Variants in TIAM1 observed in about 807,000 individuals in gnomAD.
TIAM1 encodes the protein rho guanine nucleotide exchange factor TIAM1.
TIAM1 carries 65 observed loss-of-function variants against 163.5 expected under a neutral mutation model. That is an observed-to-expected ratio of 0.40 (90% confidence interval 0.33 to 0.49). TIAM1 has a LOEUF of 0.49. Among genes scored for constraint, TIAM1 ranks in the 20% least tolerant of loss-of-function variants. TIAM1 has a pLI of 0.77. For synonymous variants in TIAM1, 833 were observed against 810.1 expected (o/e 1.03, Z -0.48); for missense variants, 1,789 against 2,044.7 (o/e 0.87, Z 2.41).
intron 2 of TIAM1, among the ~76,000 whole-genome samples, chr21:31,310,419 T>C (rs35023069): frequency 3.9e-5 from 6 of 152,124 alleles, no homozygotes; most frequent in East Asian, 1.9e-4. Flanking sequence ...AGTAAACCTA[T>C]AAATCCATGA....
At chr21:31,253,697 A>G (rs552395641) in intron 4 of TIAM1, among the ~76,000 whole-genome samples, 1 of 152,260 alleles carries the variant, frequency 6.6e-6, no homozygotes, top group East Asian at 1.9e-4. Flanking sequence ...AGTTAGAGGG[A>G]CTTAAGGGAA....
chr21:31,237,692 T>C (rs1203559706), intron 6 of TIAM1, among the ~76,000 whole-genome samples: 2 of 152,244 alleles, frequency 1.3e-5, no homozygotes, highest in Non-Finnish European at 2.9e-5. Flanking sequence ...TAACATTTTC[T>C]ATACCCCTTT....
At chr21:31,271,726 G>C (rs2073066234) in intron 3 of TIAM1, among the ~76,000 whole-genome samples, 1 of 117,454 alleles carries the variant, frequency 8.5e-6, no homozygotes. Flanking sequence ...CTCAGGCCTA[G>C]GACGATCCAG....
rs544249589 is a variant in TIAM1, at chr21:31,269,721, G to C, written c.-11-2738C>G. Among the ~76,000 whole-genome samples the C allele has an allele frequency of 1.9e-4, 29 of 149,240 alleles. No individual in the cohort carries two copies. In the South Asian group the frequency reaches 5.0e-3, roughly 26 times the overall value. On this transcript the variant is annotated intron_variant, in intron 3 of 27. Transcript: ENST00000541036. The stretch of plus-strand genomic sequence containing the variant: ...GAGTCTTGCTCTGTCGCCCCGGCTG[G>C]AGTGCAGTGGCACGATCTTGGCTCA...
At chr21:31,475,611 T>A (rs761820553) in intron 1 of TIAM1, among the ~76,000 whole-genome samples, 4 of 152,214 alleles carry the variant, frequency 2.6e-5, no homozygotes, top group Non-Finnish European at 4.4e-5. Context: ...CAGGGTGCCC[T>A]GATACATCAT....
At chr21:31,342,940 A>T (rs2076064293) in intron 1 of TIAM1, among the ~76,000 whole-genome samples, 1 of 152,212 alleles carries the variant, frequency 6.6e-6, no homozygotes, top group South Asian at 2.1e-4. Flanking sequence ...GTATGCTGAG[A>T]GAGTCTGCCA....
At chr21:31,153,027 G>A (rs723469) in intron 18 of TIAM1, 39 bp downstream of exon 18, 699,738 of 1,581,392 alleles carry the variant, frequency 0.44, 156,202 homozygotes, top group Admixed American at 0.53. Context: ...GTCAAACCAC[G>A]GTATGATGGT....
chr21:31,153,263 A>G, intron 17 of TIAM1, 129 bp from the exon 18 acceptor site: 1 of 710,588 alleles, frequency 1.4e-6, no homozygotes, highest in Non-Finnish European at 2.1e-6. Context: ...CCTGTCCCGA[A>G]GGCTAACGTT....
At chr21:31,423,933 TG>T (rs1393097074) in intron 2 of TIAM1, among the ~76,000 whole-genome samples, 1 of 151,470 alleles carries the variant, frequency 6.6e-6, no homozygotes, top group East Asian at 2.0e-4. Flanking sequence ...GTTCTGAAGT[TG>T]ATTGTAGTGA....
intron 2 of TIAM1, among the ~76,000 whole-genome samples, chr21:31,365,852 CG>C (rs1478751853): frequency 1.3e-5 from 2 of 151,700 alleles, no homozygotes; most frequent in Non-Finnish European, 2.9e-5. Context: ...CCTGTAATCC[CG>C]GCACTTTGGA....
At chr21:31,553,447 A>G (rs2048761570) in intron 1 of TIAM1, among the ~76,000 whole-genome samples, 1 of 152,218 alleles carries the variant, frequency 6.6e-6, no homozygotes, top group Non-Finnish European at 1.5e-5. Flanking sequence ...CAAACAAAAC[A>G]AAACCCACAG....
chr21:31,468,990 G>A (rs2045637489), intron 1 of TIAM1, among the ~76,000 whole-genome samples: 2 of 151,782 alleles, frequency 1.3e-5, no homozygotes, highest in African/African-American at 2.4e-5. Context: ...AGCACCTGGA[G>A]GTCTCTCGAT....
intron 2 of TIAM1, among the ~76,000 whole-genome samples, chr21:31,291,486 C>G (rs900524426): frequency 1.3e-5 from 2 of 152,068 alleles, no homozygotes; most frequent in African/African-American, 4.8e-5. Flanking sequence ...AAAATACACA[C>G]CCTTCCCTCA....
intron 14 of TIAM1, among the ~76,000 whole-genome samples, chr21:31,183,696 ATT>A (rs537476967): frequency 9.2e-5 from 13 of 140,706 alleles, no homozygotes; most frequent in Admixed American, 7.1e-5. Context: ...ATCTGAAATC[ATT>A]TTTTTTTTTT....
chr21:31,533,917 G>C (rs1219427100), intron 1 of TIAM1, among the ~76,000 whole-genome samples: 1 of 152,126 alleles, frequency 6.6e-6, no homozygotes, highest in Non-Finnish European at 1.5e-5. Context: ...GAGGGAATAG[G>C]GTTAGATAAA....
Position 31,119,100 on chromosome 21 carries a change from CT to C in TIAM1, c.*1267del, listed in dbSNP as rs34635731. On this transcript the variant is annotated 3_prime_UTR_variant, in exon 28 of 28. Coordinates refer to ENST00000541036, the MANE Select transcript of TIAM1 (RefSeq NM_001353694.2). Reference sequence around the variant, plus strand: ...CATGGGAAAAGAAAAAGCTATAAACCTTTTTTTAAAAAAAAAAAAAAAATTG... The same window carrying C: ...CATGGGAAAAGAAAAAGCTATAAACCTTTTTTAAAAAAAAAAAAAAAATTG... 479 of 138,720 alleles carry C rather than the reference CT, an allele frequency of 3.5e-3. 3 individuals carry two copies. The highest frequency in any genetic ancestry group is 0.015 in the African/African-American group (452 of 31,168). 8.6% of individuals were successfully genotyped at this position (138,720 alleles called of 1,614,324 possible).
intron 2 of TIAM1, among the ~76,000 whole-genome samples, chr21:31,388,181 G>C (rs952709703): frequency 6.9e-6 from 1 of 145,798 alleles, no homozygotes; most frequent in Admixed American, 7.0e-5. Flanking sequence ...CCCAGTCTTA[G>C]GTATTTCTTT....
intron 6 of TIAM1, among the ~76,000 whole-genome samples, chr21:31,235,543 T>G (rs2088704869): frequency 6.6e-6 from 1 of 152,212 alleles, no homozygotes; most frequent in Non-Finnish European, 1.5e-5. Flanking sequence ...AACATGTTAA[T>G]GAGGGCAAAT....
intron 9 of TIAM1, among the ~76,000 whole-genome samples, chr21:31,216,598 C>G (rs552819267): frequency 6.6e-6 from 1 of 152,240 alleles, no homozygotes; most frequent in African/African-American, 2.4e-5. Context: ...GGAAGTAACC[C>G]CAGCAGGAGA....
Sources: allele counts gnomAD v4.1 joint callset (sites outside exome capture counted in the v4.1 genomes callset), GRCh38; gene constraint gnomAD v4.1.1; transcripts MANE v1.5; gene names NCBI Gene and HGNC (gene_info 2026-07-23, HGNC 2026-07-21).